The following INTS9 variants were observed in gnomAD, a reference collection of about 807,000 sequenced individuals.
The protein encoded by INTS9 is integrator complex subunit 9.
INTS9 carries 55 observed loss-of-function variants against 79.7 expected under a neutral mutation model. The observed-to-expected ratio is 0.69, with a 90% CI of 0.56 to 0.86. The LOEUF (loss-of-function observed/expected upper bound fraction) is 0.86. Among genes scored for constraint, INTS9 ranks in the 40% least tolerant of loss-of-function variants. The pLI is 0.00. For synonymous variants in INTS9, 319 were observed against 325.2 expected, an observed-to-expected ratio of 0.98 and a Z score of 0.20; for missense variants, 721 against 831.5, an observed-to-expected ratio of 0.87 and a Z score of 1.64.
At chr8:28,867,513 G>A (rs1430166023) in intron 1 of INTS9, among the ~76,000 whole-genome samples, 1 of 150,296 alleles carries the variant, frequency 6.7e-6, no homozygotes, top group Non-Finnish European at 1.5e-5. Flanking sequence ...GGAGGCACAG[G>A]TTGCAGTGAG....
chr8:28,776,507 T>C (rs745676215), intron 13 of INTS9, among the ~76,000 whole-genome samples: 12 of 152,002 alleles, frequency 7.9e-5, no homozygotes, highest in Non-Finnish European at 1.8e-4. Context: ...AACCAATTTT[T>C]ACTTTGCACA....
intron 1 of INTS9, among the ~76,000 whole-genome samples, chr8:28,882,326 G>A (rs1306538858): frequency 2.7e-5 from 3 of 110,646 alleles, no homozygotes; most frequent in Non-Finnish European, 4.5e-5. Flanking sequence ...GCGGAAGGCC[G>A]AAGGCCGCAG....
chr8:28,880,178 T>C (rs1809626054), intron 1 of INTS9, among the ~76,000 whole-genome samples: 1 of 152,194 alleles, frequency 6.6e-6, no homozygotes, highest in Non-Finnish European at 1.5e-5. Flanking sequence ...CTAGAATATC[T>C]CATTATGCTT....
chr8:28,839,422 C>T (rs1284045042), intron 4 of INTS9, among the ~76,000 whole-genome samples: 1 of 151,774 alleles, frequency 6.6e-6, no homozygotes, highest in Non-Finnish European at 1.5e-5. Context: ...ACTTTCTTCA[C>T]AGAATTGGAA....
chr8:28,873,988 TG>T (rs1372538861), intron 1 of INTS9, among the ~76,000 whole-genome samples: 9 of 152,222 alleles, frequency 5.9e-5, no homozygotes, highest in Non-Finnish European at 1.0e-4. Flanking sequence ...GGTGTATTTG[TG>T]GATTCTGTTA....
chr8:28,815,710 C>T (rs1805431542), intron 6 of INTS9, among the ~76,000 whole-genome samples: 2 of 152,032 alleles, frequency 1.3e-5, no homozygotes, highest in African/African-American at 2.4e-5. Flanking sequence ...GAGATTTAAA[C>T]AATTCAAAAG....
At chr8:28,813,787 A>T in intron 6 of INTS9, 175 bp from the exon 7 acceptor site, 9 of 643,898 alleles carry the variant, frequency 1.4e-5, no homozygotes, top group African/African-American at 1.9e-5. Context: ...TTTGAGACAG[A>T]GTCTCACTGT....
chr8:28,787,236 G>A (rs1803657913), intron 11 of INTS9, among the ~76,000 whole-genome samples: 1 of 152,338 alleles, frequency 6.6e-6, no homozygotes, highest in South Asian at 2.1e-4. Context: ...TGTTCTGTGA[G>A]GGAGGAAGAA....
At chr8:28,817,783 A>G (rs1310248285) in intron 6 of INTS9, among the ~76,000 whole-genome samples, 1 of 110,110 alleles carries the variant, frequency 9.1e-6, no homozygotes, top group African/African-American at 3.7e-5. Flanking sequence ...CTTCCTACCC[A>G]TGAGCATGGA....
Position 28,769,806 on chromosome 8 carries a change from C to T in INTS9, c.1800+83G>A, listed in dbSNP as rs1313280693. The stretch of plus-strand genomic sequence containing the variant: ...ACTAAGTGACAAGCAGCAACATCCA[C>T]TCCCTGCAGCCAGGGGGCCATAGTG... On this transcript the variant is annotated intron_variant, in intron 16 of 16. Coordinates refer to ENST00000521022, the MANE Select transcript of INTS9 (RefSeq NM_018250.4). 4 of 1,544,732 alleles carry T rather than the reference C, an allele frequency of 2.6e-6. No homozygotes were observed. In the Admixed American group the frequency reaches 5.3e-5, roughly 21 times the overall value.
chr8:28,770,873 ATTC>A (rs1190789552), intron 15 of INTS9, 106 bp downstream of exon 15: 6 of 819,016 alleles, frequency 7.3e-6, no homozygotes, highest in Non-Finnish European at 1.2e-5. Flanking sequence ...CAGGGAAATA[ATTC>A]TTCAACAAGA....
intron 6 of INTS9, among the ~76,000 whole-genome samples, chr8:28,814,649 T>C (rs1439089455): frequency 2.6e-5 from 4 of 152,028 alleles, no homozygotes; most frequent in African/African-American, 9.7e-5. Flanking sequence ...CTACCAGAGG[T>C]TGTTCTCTGG....
chr8:28,813,654 T>C (rs376151696), intron 6 of INTS9, 42 bp from the exon 7 acceptor site: 3 of 1,606,498 alleles, frequency 1.9e-6, no homozygotes, highest in Non-Finnish European at 2.6e-6. Context: ...TGAACATTTC[T>C]TCATGTTCTA....
chr8:28,773,118 G>A (rs1802643663), intron 14 of INTS9, among the ~76,000 whole-genome samples: 1 of 152,158 alleles, frequency 6.6e-6, no homozygotes, highest in Admixed American at 6.5e-5. Context: ...TTATGTAAAA[G>A]GATGCTCCTA....
At chr8:28,816,187 T>C (rs1257097611) in intron 6 of INTS9, among the ~76,000 whole-genome samples, 22 of 151,900 alleles carry the variant, frequency 1.4e-4, no homozygotes, top group Non-Finnish European at 1.5e-5. Context: ...AGTTTTAGGG[T>C]ACATGTGCAC....
chr8:28,848,053 C>A (rs1001351999), intron 3 of INTS9, among the ~76,000 whole-genome samples: 2 of 152,210 alleles, frequency 1.3e-5, no homozygotes, highest in African/African-American at 4.8e-5. Flanking sequence ...GGTGGGCTAC[C>A]AATAGGGTCT....
chr8:28,857,530 G>A (rs992339629), intron 2 of INTS9, among the ~76,000 whole-genome samples: 5 of 152,172 alleles, frequency 3.3e-5, no homozygotes, highest in Non-Finnish European at 1.5e-5. Flanking sequence ...TAAATTTTAA[G>A]TTAAAAGTGA....
intron 6 of INTS9, among the ~76,000 whole-genome samples, chr8:28,814,867 C>G (rs1208212653): frequency 6.6e-6 from 1 of 152,206 alleles, no homozygotes; most frequent in Non-Finnish European, 1.5e-5. Flanking sequence ...TGAAAAGATT[C>G]TAACGCAGAG....
At chr8:28,851,303 C>T (rs985409953) in intron 2 of INTS9, among the ~76,000 whole-genome samples, 9 of 151,946 alleles carry the variant, frequency 5.9e-5, no homozygotes, top group African/African-American at 2.2e-4. Context: ...TGAAAGTCAA[C>T]ACAAAAGCAT....
Sources: gnomAD v4.1 joint callset for allele counts (sites outside exome capture counted in the v4.1 genomes callset) on GRCh38, gnomAD v4.1.1 for gene constraint, MANE v1.5 for transcripts, NCBI Gene and HGNC (gene_info 2026-07-23, HGNC 2026-07-21) for gene names.